FRMD3: variants seen among roughly 807,000 people sequenced by gnomAD.
FRMD3 encodes FERM domain containing 3, also known as FERM domain-containing protein 3.
Under a neutral mutation model 70.2 loss-of-function variants are expected in FRMD3, and 33 were observed. The ratio of observed to expected loss-of-function variants is 0.47; its 90% CI spans 0.36 to 0.63. The LOEUF (loss-of-function observed/expected upper bound fraction) is 0.63, where lower values mean the gene tolerates loss of function less well. Ranked by LOEUF, FRMD3 falls within the 20% of genes least tolerant of loss-of-function variation. The pLI, the probability that FRMD3 is intolerant of heterozygous loss-of-function variation, is 0.00. For missense variants in FRMD3, 632 were observed against 711.4 expected (o/e 0.89, Z 1.27); for synonymous variants, 279 against 255.9 (o/e 1.09, Z -0.86).
chr9:83,295,616 G>A (rs963141547), intron 12 of FRMD3, among the ~76,000 whole-genome samples: 3 of 152,188 alleles, frequency 2.0e-5, no homozygotes, highest in African/African-American at 7.2e-5. Flanking sequence ...TCTGAGAAGT[G>A]ATTTACCCAA....
At position 83,479,650 on chromosome 9, in the gene FRMD3, AGG is replaced by A. The variant is rs1587894490; in HGVS notation, c.147+58433_147+58434del. Among the ~76,000 whole-genome samples, 7 of 48,870 alleles carry A rather than the reference AGG, an allele frequency of 1.4e-4. No homozygotes were observed. The East Asian group carries it at 1.9e-3, about 13-fold the overall frequency. 32.1% of individuals were successfully genotyped at this position (48,870 alleles called of 152,430 possible). A position where few individuals can be genotyped will look rare whatever the true frequency, so the allele number is the denominator to read the frequency against. On this transcript the variant is annotated intron_variant, in intron 1 of 13. Coordinates refer to ENST00000304195, the MANE Select transcript of FRMD3 (RefSeq NM_174938.6). ...AAGGAAGGAAGGAAGGAAGGAAGGA[AGG>A]AAGGAAGGAAGGAAGGAAGGAAAGA...
In FRMD3 at chr9:83,429,605, G is replaced by C. The variant is rs1372791846; in HGVS notation, c.148-39897C>G. 2.0e-5 allele frequency among the ~76,000 whole-genome samples: 3 copies of C among 152,128 alleles called. No individual in the cohort carries two copies. The East Asian group carries it at 5.8e-4, about 29-fold the overall frequency. The stretch of plus-strand genomic sequence containing the variant: ...TGCCACCTTCTCATCATTTAATCCT[G>C]TTTCCTCATCTACAAAACTGAGATA... On this transcript the variant is annotated intron_variant, in intron 1 of 13. Transcript: ENST00000304195.
At chr9:83,462,671 A>T (rs1828008885) in intron 1 of FRMD3, among the ~76,000 whole-genome samples, 1 of 152,122 alleles carries the variant, frequency 6.6e-6, no homozygotes, top group African/African-American at 2.4e-5. Flanking sequence ...ACACTTGGAG[A>T]TATCTCTTTC....
chr9:83,572,148 G>GGTGTGT, the FRMD3 span, among the ~76,000 whole-genome samples: 24 of 149,112 alleles, frequency 1.6e-4, no homozygotes, highest in East Asian at 1.2e-3. Flanking sequence ...AGTTTTTTGA[G>GGTGTGT]GTGTGTGTGT....
chr9:83,431,856 C>T (rs554244762), intron 1 of FRMD3, among the ~76,000 whole-genome samples: 140 of 152,290 alleles, frequency 9.2e-4, no homozygotes, highest in African/African-American at 3.2e-3. Context: ...CAGGAATGAG[C>T]TCTTATCAAA....
intron 10 of FRMD3, among the ~76,000 whole-genome samples, chr9:83,309,259 T>TACACACAC (rs3029557): frequency 8.0e-5 from 11 of 138,308 alleles, no homozygotes; most frequent in South Asian, 2.5e-4. Context: ...CTATTTGAAA[T>TACACACAC]ACACACACAC....
At chr9:83,585,296 G>T in the FRMD3 span, among the ~76,000 whole-genome samples, 1 of 152,148 alleles carries the variant, frequency 6.6e-6, no homozygotes, top group South Asian at 2.1e-4. Context: ...CAGGACCAAA[G>T]GCTTAAGGAT....
intron 1 of FRMD3, among the ~76,000 whole-genome samples, chr9:83,458,097 G>A (rs1827874037): frequency 6.6e-6 from 1 of 151,274 alleles, no homozygotes; most frequent in Non-Finnish European, 1.5e-5. Context: ...GAGCCCCTTG[G>A]CCACTGGCTC....
intron 1 of FRMD3, among the ~76,000 whole-genome samples, chr9:83,406,635 A>G (rs1826112492): frequency 1.3e-5 from 2 of 152,324 alleles, no homozygotes; most frequent in Admixed American, 1.3e-4. Context: ...TCAACCCACG[A>G]GTGCTGCTCC....
chr9:83,438,655 C>T (rs143799836), intron 1 of FRMD3, among the ~76,000 whole-genome samples: 3,537 of 152,352 alleles, frequency 0.023, 136 homozygotes, highest in African/African-American at 0.08. Context: ...CCGCCTCTGC[C>T]TCCCAAAGTG....
At chr9:83,470,996 T>C (rs1228833266) in intron 1 of FRMD3, among the ~76,000 whole-genome samples, 1 of 152,116 alleles carries the variant, frequency 6.6e-6, no homozygotes, top group East Asian at 1.9e-4. Context: ...CAAACAGCAG[T>C]AGAGAACAAT....
rs1271647138 is a variant in FRMD3 at position 83,387,776 on chromosome 9, A to G, written c.252+1828T>C. ...AGGCTATAAAAAGTTATGGCTATGAATGTCTTTATATCATGGTCCCCAGAC... is the reference window on the plus strand; with the variant it reads ...AGGCTATAAAAAGTTATGGCTATGAGTGTCTTTATATCATGGTCCCCAGAC... On this transcript the variant is annotated intron_variant, in intron 2 of 13. Transcript: ENST00000304195. Among the ~76,000 whole-genome samples, 5 of 152,172 alleles carry G rather than the reference A, an allele frequency of 3.3e-5. No homozygotes were observed. The East Asian group carries it at 7.7e-4, about 23-fold the overall frequency.
the FRMD3 span, among the ~76,000 whole-genome samples, chr9:83,580,396 T>C: frequency 6.6e-6 from 1 of 152,080 alleles, no homozygotes; most frequent in Non-Finnish European, 1.5e-5. Context: ...TGAATAAAGA[T>C]AATGTATGTC....
At chr9:83,275,331 T>A (rs1713385370) in intron 13 of FRMD3, among the ~76,000 whole-genome samples, 1 of 152,192 alleles carries the variant, frequency 6.6e-6, no homozygotes, top group South Asian at 2.1e-4. Context: ...TATTTTGAAA[T>A]ACTGATCAAT....
At chr9:83,481,850 G>A (rs995347416) in intron 1 of FRMD3, among the ~76,000 whole-genome samples, 3 of 151,882 alleles carry the variant, frequency 2.0e-5, no homozygotes, top group East Asian at 1.9e-4. Context: ...CACCAAGAGG[G>A]GGACTGTAGT....
intron 1 of FRMD3, among the ~76,000 whole-genome samples, chr9:83,508,881 A>C (rs1344497220): frequency 6.6e-6 from 1 of 152,002 alleles, no homozygotes; most frequent in Non-Finnish European, 1.5e-5. Flanking sequence ...CCAAGTCTAA[A>C]ATGTGTACTA....
At chr9:83,258,244 T>C (rs1359508316) in intron 13 of FRMD3, among the ~76,000 whole-genome samples, 1 of 152,198 alleles carries the variant, frequency 6.6e-6, no homozygotes, top group Non-Finnish European at 1.5e-5. Context: ...CTTCATCTCA[T>C]TACTGAAGCA....
At chr9:83,424,592 AAAG>A (rs1826748547) in intron 1 of FRMD3, among the ~76,000 whole-genome samples, 1 of 152,352 alleles carries the variant, frequency 6.6e-6, no homozygotes, top group Admixed American at 6.5e-5. Context: ...GAGTAATGAA[AAAG>A]AAGAAAGAAG....
chr9:83,251,074 C>G (rs1451685748), intron 13 of FRMD3, among the ~76,000 whole-genome samples: 1 of 152,224 alleles, frequency 6.6e-6, no homozygotes, highest in South Asian at 2.1e-4. Flanking sequence ...GAACTCACAA[C>G]AGGTGGTCTC....
Sources: allele counts gnomAD v4.1 joint callset (sites outside exome capture counted in the v4.1 genomes callset), GRCh38; gene constraint gnomAD v4.1.1; transcripts MANE v1.5; gene names NCBI Gene and HGNC (gene_info 2026-07-23, HGNC 2026-07-21).